The following ZNF333 variants were observed in gnomAD, a reference collection of about 807,000 sequenced individuals.
ZNF333 encodes zinc finger protein 333.
ZNF333 carries 61 observed loss-of-function variants against 76.1 expected under a neutral mutation model. The ratio of observed to expected loss-of-function variants is 0.80; its 90% CI spans 0.65 to 0.99. The LOEUF (loss-of-function observed/expected upper bound fraction) is 0.99, where lower values mean the gene tolerates loss of function less well. Among genes scored for constraint, ZNF333 ranks in the 50% least tolerant of loss-of-function variants. The pLI is 0.00. For missense variants in ZNF333, 717 were observed against 822.4 expected (o/e 0.87, Z 1.57); for synonymous variants, 284 against 305.0 (o/e 0.93, Z 0.72).
intron 5 of ZNF333, among the ~76,000 whole-genome samples, chr19:14,699,850 A>G (rs62125493): frequency 0.035 from 5,333 of 152,174 alleles, 126 homozygotes; most frequent in Middle Eastern, 0.092. Flanking sequence ...CCCATTGTGA[A>G]TAGGAGGCAG....
At chr19:14,700,621 C>T (rs147345005) in intron 5 of ZNF333, among the ~76,000 whole-genome samples, 2 of 152,160 alleles carry the variant, frequency 1.3e-5, no homozygotes, top group African/African-American at 4.8e-5. Flanking sequence ...CACCATCCCC[C>T]CTTTGGCCCT....
In ZNF333 at chr19:14,719,092, C is replaced by T. The variant is rs571351565; in HGVS notation, c.1765C>T (p.Pro589Ser). ...KHARTHSGKK[P>S]YACQECGRAF... ...TGCAAGGACTCACAGTGGCAAGAAG[C>T]CCTATGCATGCCAGGAATGCGGGCG... Residue 589 changes from proline to serine, a missense_variant, in exon 12 of 12, where the codon CCC (proline) becomes TCC (serine). By Grantham distance (74) the Pro-to-Ser change is moderately conservative. Transcript: ENST00000292530. 2.1e-5 allele frequency: 34 copies of T among 1,614,158 alleles called. No individual in the cohort carries two copies. The East Asian group carries it at 7.1e-4, about 34-fold the overall frequency.
chr19:14,692,878 C>T (rs561899623), intron 1 of ZNF333, among the ~76,000 whole-genome samples: 9 of 151,486 alleles, frequency 5.9e-5, no homozygotes, highest in Admixed American at 3.3e-4. Flanking sequence ...GCTGCAATGC[C>T]GTGGCACGAT....
intron 5 of ZNF333, 137 bp from the exon 6 acceptor site, chr19:14,704,917 A>T (rs2042064742): frequency 2.9e-6 from 2 of 699,020 alleles, no homozygotes; most frequent in Non-Finnish European, 4.7e-6. Context: ...TGCTGGGATT[A>T]TGGGCATGAG....
intron 1 of ZNF333, among the ~76,000 whole-genome samples, chr19:14,693,183 C>G (rs1972901968): frequency 6.6e-6 from 1 of 152,108 alleles, no homozygotes; most frequent in Non-Finnish European, 1.5e-5. Context: ...CAAATCACAC[C>G]TTCATATGGG....
chr19:14,712,775 T>C (rs1302377177), intron 7 of ZNF333, among the ~76,000 whole-genome samples: 3 of 152,124 alleles, frequency 2.0e-5, no homozygotes, highest in Admixed American at 6.6e-5. Flanking sequence ...AACCATCATA[T>C]TGGATTAAGG....
chr19:14,727,815 C>T (rs187406457), intron 11 of ZNF333, among the ~76,000 whole-genome samples: 6 of 152,282 alleles, frequency 3.9e-5, no homozygotes, highest in African/African-American at 1.4e-4. Flanking sequence ...ACCCTCTTGC[C>T]CACAATGGTG....
At chr19:14,711,029 T>C (rs999704849) in intron 7 of ZNF333, among the ~76,000 whole-genome samples, 3 of 152,022 alleles carry the variant, frequency 2.0e-5, no homozygotes, top group Non-Finnish European at 4.4e-5. Context: ...AACAACCAGC[T>C]TCCTTGGAAA....
chr19:14,701,392 A>G (rs1001175139), intron 5 of ZNF333, among the ~76,000 whole-genome samples: 4 of 152,164 alleles, frequency 2.6e-5, no homozygotes, highest in Admixed American at 2.0e-4. Flanking sequence ...GGCACGCACC[A>G]CTACACCTGG....
chr19:14,701,949 C>G, intron 5 of ZNF333: 7 of 971,618 alleles, frequency 7.2e-6, no homozygotes, highest in Non-Finnish European at 8.6e-6. Context: ...AGACCACAGT[C>G]TCAGCTGTCA....
intron 11 of ZNF333, among the ~76,000 whole-genome samples, chr19:14,727,024 C>CT (rs33936016): frequency 0.018 from 1,231 of 70,038 alleles, 13 homozygotes; most frequent in Middle Eastern, 0.034. Context: ...AGAAAAGAGG[C>CT]TTTTTTTTTT....
At position 14,699,308 on chromosome 19, in the gene ZNF333, TCCC is replaced by T. The variant is rs766172338; in HGVS notation, c.306+28_306+30del. The stretch of plus-strand genomic sequence containing the variant: ...TAAGATGCACGGGGTTTTCCCCGGC[TCCC>T]AGCATGGGAGAAGTTGAGGAACACG... On this transcript the variant is annotated intron_variant, in intron 5 of 11. Transcript: ENST00000292530. 98 of 1,600,940 alleles carry T rather than the reference TCCC, an allele frequency of 6.1e-5. 1 individual carries two copies. The African/African-American group carries it at 1.3e-3, about 21-fold the overall frequency.
At chr19:14,704,843 C>T (rs2042062890) in intron 5 of ZNF333, among the ~76,000 whole-genome samples, 1 of 152,212 alleles carries the variant, frequency 6.6e-6, no homozygotes, top group Non-Finnish European at 1.5e-5. Flanking sequence ...GGGGCTTCGC[C>T]ATGTTGGCCA....
At chr19:14,730,537 C>G (rs921640271) in intron 11 of ZNF333, among the ~76,000 whole-genome samples, 1 of 115,374 alleles carries the variant, frequency 8.7e-6, no homozygotes, top group African/African-American at 3.0e-5. Context: ...CTTCCTCTCT[C>G]TTTCTGTATT....
chr19:14,704,664 A>C (rs758792968), intron 5 of ZNF333, among the ~76,000 whole-genome samples: 10 of 152,138 alleles, frequency 6.6e-5, no homozygotes, highest in Non-Finnish European at 1.3e-4. Context: ...TGTGCAGGGA[A>C]ACTCCCCTTA....
chr19:14,703,293 C>G (rs1214833081), intron 5 of ZNF333, among the ~76,000 whole-genome samples: 1 of 151,492 alleles, frequency 6.6e-6, no homozygotes, highest in African/African-American at 2.4e-5. Flanking sequence ...CTCCATGATT[C>G]AATTACCTCC....
At chr19:14,712,565 C>G (rs1483443555) in intron 7 of ZNF333, among the ~76,000 whole-genome samples, 3 of 151,906 alleles carry the variant, frequency 2.0e-5, no homozygotes, top group Non-Finnish European at 4.4e-5. Context: ...TTTAGGATAC[C>G]AAAAGTCCGA....
Position 14,718,927 on chromosome 19 carries a change from T to A in ZNF333, c.1600T>A (p.Tyr534Asn), listed in dbSNP as rs1223542597. 6.2e-7 allele frequency: 1 copy of A among 1,613,914 alleles called. No individual in the cohort carries two copies. The highest frequency in any genetic ancestry group is 2.2e-5 in the East Asian group (1 of 44,898). ...HKRIHTGEKL[Y>N]ECATCGQVLS... The stretch of plus-strand genomic sequence containing the variant: ...GAGGATACACACAGGGGAGAAACTG[T>A]ATGAGTGCGCGACTTGCGGTCAGGT... The change falls in exon 12 of 12, where the codon TAT becomes AAT. Residue 534 changes from tyrosine to asparagine, a missense_variant. Physicochemically the swap from Tyr to Asn is moderately radical, Grantham distance 143 (BLOSUM62 -2). Transcript: ENST00000292530.
chr19:14,703,729 G>C (rs570822399), intron 5 of ZNF333, among the ~76,000 whole-genome samples: 168 of 152,272 alleles, frequency 1.1e-3, no homozygotes, highest in African/African-American at 3.7e-3. Context: ...AATTTTAGTG[G>C]ACCTTGGGGG....
Sources: allele counts gnomAD v4.1 joint callset (sites outside exome capture counted in the v4.1 genomes callset), GRCh38; gene constraint gnomAD v4.1.1; transcripts MANE v1.5; gene names NCBI Gene and HGNC (gene_info 2026-07-23, HGNC 2026-07-21).